The following TINAG variants were observed in gnomAD, a reference collection of about 807,000 sequenced individuals.
The protein encoded by TINAG is tubulointerstitial nephritis antigen.
A neutral mutation model predicts 72.7 loss-of-function variants in TINAG; 83 were observed. The observed-to-expected ratio is 1.14, with a 90% CI of 0.96 to 1.37. The LOEUF (loss-of-function observed/expected upper bound fraction) is 1.37. Ranked by LOEUF, TINAG falls within the 40% of genes most tolerant of loss-of-function variation. The pLI, the probability that TINAG is intolerant of heterozygous loss-of-function variation, is 0.00. For synonymous variants in TINAG, 234 were observed against 189.9 expected, an observed-to-expected ratio of 1.23 and a Z score of -1.91; for missense variants, 685 against 576.6, an observed-to-expected ratio of 1.19 and a Z score of -1.93.
At chr6:54,339,656 G>C (rs1447684292) in intron 4 of TINAG, among the ~76,000 whole-genome samples, 1 of 152,082 alleles carries the variant, frequency 6.6e-6, no homozygotes, top group Non-Finnish European at 1.5e-5. Context: ...ACTTATCAAA[G>C]GATACCTCTT....
intron 9 of TINAG, among the ~76,000 whole-genome samples, chr6:54,376,100 T>G (rs1763769209): frequency 6.6e-6 from 1 of 152,158 alleles, no homozygotes; most frequent in Admixed American, 6.6e-5. Context: ...TGCCATAAAT[T>G]CTACACTCCC....
At chr6:54,309,816 C>G (rs1784196822) in intron 1 of TINAG, among the ~76,000 whole-genome samples, 1 of 138,184 alleles carries the variant, frequency 7.2e-6, no homozygotes, top group African/African-American at 2.7e-5. Context: ...ATCCAGATGT[C>G]ATTTAAAGAG....
intron 4 of TINAG, among the ~76,000 whole-genome samples, chr6:54,334,096 T>C (rs1160825348): frequency 6.6e-6 from 1 of 152,222 alleles, no homozygotes; most frequent in East Asian, 1.9e-4. Context: ...CTCTTGTTAT[T>C]ACAAACCTGT....
At chr6:54,350,784 A>G (rs938368326) in intron 7 of TINAG, among the ~76,000 whole-genome samples, 2 of 151,438 alleles carry the variant, frequency 1.3e-5, no homozygotes, top group Admixed American at 1.3e-4. Context: ...TGTCTCTACA[A>G]TGGATCTTAT....
intron 5 of TINAG, among the ~76,000 whole-genome samples, 159 bp downstream of exon 5, chr6:54,343,508 T>TA (rs1407846995): frequency 6.6e-6 from 1 of 151,118 alleles, no homozygotes; most frequent in South Asian, 2.1e-4. Flanking sequence ...GAAGATTATA[T>TA]AAAAAATCCA....
chr6:54,319,115 A>G lies in TINAG; in HGVS notation c.356-1464A>G, dbSNP rs1376278307. Among the ~76,000 whole-genome samples, 6 of 152,052 alleles carry G rather than the reference A, an allele frequency of 3.9e-5. No individual in the cohort carries two copies. The East Asian group carries it at 1.2e-3, about 29-fold the overall frequency. ...GACCCTTGAGATGTCTGTTCCATTT[A>G]TCCATGGAATTCATATGTTGAACAC... On this transcript the variant is annotated intron_variant, in intron 1 of 10. Coordinates refer to ENST00000259782, the MANE Select transcript of TINAG (RefSeq NM_014464.4).
At chr6:54,346,598 T>C (rs1785128421) in intron 5 of TINAG, among the ~76,000 whole-genome samples, 1 of 151,588 alleles carries the variant, frequency 6.6e-6, no homozygotes, top group Non-Finnish European at 1.5e-5. Context: ...TATTAGTTAA[T>C]AGTAGTTACA....
At chr6:54,380,847 T>C (rs1387854813) in intron 10 of TINAG, among the ~76,000 whole-genome samples, 2 of 151,480 alleles carry the variant, frequency 1.3e-5, no homozygotes, top group African/African-American at 4.8e-5. Context: ...TATTATCTTC[T>C]ATATTAAACT....
intron 4 of TINAG, among the ~76,000 whole-genome samples, chr6:54,336,181 T>C (rs1350165278): frequency 6.6e-6 from 1 of 152,106 alleles, no homozygotes; most frequent in African/African-American, 2.4e-5. Context: ...TAGGGTTGCA[T>C]AAGTCCCATG....
At chr6:54,368,178 C>T (rs1431644607) in intron 9 of TINAG, among the ~76,000 whole-genome samples, 1 of 149,432 alleles carries the variant, frequency 6.7e-6, no homozygotes, top group Non-Finnish European at 1.5e-5. Context: ...AATATTTTAA[C>T]TTTTATTCTA....
intron 9 of TINAG, among the ~76,000 whole-genome samples, chr6:54,355,748 T>C (rs990134420): frequency 6.6e-6 from 1 of 151,276 alleles, no homozygotes; most frequent in Non-Finnish European, 1.5e-5. Flanking sequence ...TGTGTGTGTA[T>C]TTATAAATGT....
At chr6:54,343,879 T>C (rs1785061295) in intron 5 of TINAG, among the ~76,000 whole-genome samples, 1 of 152,138 alleles carries the variant, frequency 6.6e-6, no homozygotes, top group South Asian at 2.1e-4. Context: ...GTAATGTAAC[T>C]GATCTTTTAA....
intron 3 of TINAG, among the ~76,000 whole-genome samples, chr6:54,321,733 G>T (rs750603211): frequency 6.6e-6 from 1 of 152,040 alleles, no homozygotes; most frequent in African/African-American, 2.4e-5. Context: ...CTCTGCTGCT[G>T]CCCTCACCAA....
chr6:54,354,602 C>G lies in TINAG; in HGVS notation c.1216C>G (p.Arg406Gly). 6.2e-7 allele frequency: 1 copy of G among 1,610,534 alleles called. No individual in the cohort carries two copies. The highest frequency in any genetic ancestry group is 8.5e-7 in the Non-Finnish European group (1 of 1,178,070). The change falls in exon 9 of 11, where the codon CGA (arginine) becomes GGA (glycine). Residue 406 changes from arginine (R) to glycine (G), a missense_variant. By Grantham distance (125) the Arg-to-Gly change is moderately radical. Coordinates refer to ENST00000259782, the MANE Select transcript of TINAG (RefSeq NM_014464.4). The stretch of plus-strand genomic sequence containing the variant: ...CACAAATAAAGAATCAGAAAAATAT[C>G]GAAAGCTTCAGACACATGCAGTCAA... ...TSTNKESEKYRKLQTHAVKLT... is the reference protein window; with the variant it reads ...TSTNKESEKYGKLQTHAVKLT...
chr6:54,342,062 G>GGTGTGTGTGT (rs142069767), intron 4 of TINAG, among the ~76,000 whole-genome samples: 362 of 147,674 alleles, frequency 2.5e-3, no homozygotes, highest in South Asian at 4.4e-3. Flanking sequence ...AAATGATTGG[G>GGTGTGTGTGT]GTGTGTGTGT....
intron 4 of TINAG, among the ~76,000 whole-genome samples, chr6:54,332,646 C>T (rs1562156110): frequency 4.6e-5 from 7 of 152,154 alleles, no homozygotes; most frequent in African/African-American, 1.4e-4. Flanking sequence ...GGAGCTTCTG[C>T]ACAGCAAAAG....
intron 9 of TINAG, among the ~76,000 whole-genome samples, chr6:54,376,378 G>A (rs1356045828): frequency 1.3e-5 from 2 of 152,046 alleles, no homozygotes; most frequent in Non-Finnish European, 2.9e-5. Context: ...AACAGGTGTA[G>A]TATACAAGAG....
In TINAG at chr6:54,308,645, A is replaced by C; in HGVS notation, c.95A>C (p.Glu32Ala). The C allele has an allele frequency of 1.2e-6, 2 of 1,613,794 alleles. No individual in the cohort carries two copies. The highest frequency in any genetic ancestry group is 1.7e-6 in the Non-Finnish European group (2 of 1,179,826). ...QYLSQREVDL[E>A]AYFTRNHTVL... ...TTATCTCAAAGAGAAGTGGACCTAG[A>C]GGCTTATTTCACTAGGAATCACACC... is the stretch of plus-strand genomic sequence containing the variant. The change falls in exon 1 of 11, where the codon GAG (glutamate) becomes GCG (alanine). Residue 32 changes from glutamate to alanine, a missense_variant. By Grantham distance (107) the Glu-to-Ala change is moderately radical. Transcript: ENST00000259782.
At chr6:54,342,346 C>T (rs1785016168) in intron 4 of TINAG, among the ~76,000 whole-genome samples, 1 of 151,582 alleles carries the variant, frequency 6.6e-6, no homozygotes, top group Admixed American at 6.6e-5. Context: ...GTTGCTCTTT[C>T]ACACTTCCTG....
Sources: allele counts gnomAD v4.1 joint callset (sites outside exome capture counted in the v4.1 genomes callset), GRCh38; gene constraint gnomAD v4.1.1; transcripts MANE v1.5; gene names NCBI Gene and HGNC (gene_info 2026-07-23, HGNC 2026-07-21).